KRTAP4-9: variants seen among roughly 807,000 people sequenced by gnomAD.
The protein encoded by KRTAP4-9 is keratin-associated protein 4-9.
KRTAP4-9 carries 4 observed loss-of-function variants against 4.3 expected under a neutral mutation model. The ratio of observed to expected loss-of-function variants is 0.94; its 90% CI spans 0.46 to 2.15. The LOEUF (loss-of-function observed/expected upper bound fraction) is 2.15, where lower values mean the gene tolerates loss of function less well. Among genes scored for constraint, KRTAP4-9 ranks in the 30% most tolerant of loss-of-function variants. KRTAP4-9 has a pLI of 0.02. For missense variants in KRTAP4-9, 297 were observed against 278.5 expected, an observed-to-expected ratio of 1.07 and a Z score of -0.47; for synonymous variants, 111 against 99.2, an observed-to-expected ratio of 1.12 and a Z score of -0.70.
exon 1 of KRTAP4-9, chr17:41,105,592 C>T: frequency 1.3e-6 from 2 of 1,568,418 alleles, no homozygotes; most frequent in Non-Finnish European, 1.7e-6. Flanking sequence ...CCCGCCCCAG[C>T]TGCTGTCAGA....
At chr17:41,106,072 AC>A (rs2014086554) in exon 1 of KRTAP4-9, 9 of 1,527,214 alleles carry the variant, frequency 5.9e-6, no homozygotes, top group Non-Finnish European at 7.9e-6. Context: ...ACAGATGTAG[AC>A]CCTTCTACTG....
Position 41,105,706 on chromosome 17 carries a change from C to A in KRTAP4-9, c.318C>A (p.Arg106=), listed in dbSNP as rs765387616. 1.4e-5 allele frequency: 22 copies of A among 1,572,960 alleles called. 1 individual carries two copies. In the South Asian group the frequency reaches 2.2e-4, roughly 16 times the overall value. ...CGTGCTGCCAACCCACTTGCTGTCG[C>A]CCCAGCTGCTGTGAGACGACCTGCT... The change falls in exon 1 of 1, where the codon CGC becomes CGA. Residue 106 remains arginine (R), a synonymous_variant. Coordinates refer to ENST00000391415, the Ensembl canonical transcript of KRTAP4-9.
At chr17:41,105,401 T>C in exon 1 of KRTAP4-9, 1 of 1,601,446 alleles carries the variant, frequency 6.2e-7, no homozygotes, top group Non-Finnish European at 8.5e-7. Context: ...GGTCAGCTCC[T>C]GTTGTGGCTC....
exon 1 of KRTAP4-9, chr17:41,106,224 T>A: frequency 1.0e-6 from 1 of 976,054 alleles, no homozygotes; most frequent in Non-Finnish European, 1.5e-6. Flanking sequence ...GCTTTCTTTT[T>A]CTTCCGGTGG....
exon 1 of KRTAP4-9, chr17:41,106,208 T>A: frequency 9.1e-7 from 1 of 1,099,640 alleles, no homozygotes; most frequent in African/African-American, 1.6e-5. Context: ...TTAAACTCCC[T>A]CCCTTGCTTT....
At position 41,105,953 on chromosome 17, in the gene KRTAP4-9, T is replaced by C. The variant is rs752243856; in HGVS notation, c.565T>C (p.Cys189Arg). Residue 189 changes from cysteine to arginine, a missense_variant, in exon 1 of 1, where the codon TGC (cysteine) becomes CGC (arginine). Transcript: ENST00000391415. ...TGGCCGAGTCTCCTGCCACACCACT[T>C]GCTATCGCCCAACCTGTGTCATCTC... 6.2e-7 allele frequency: 1 copy of C among 1,604,908 alleles called. No homozygotes were observed. Among genetic ancestry groups the C allele is most frequent in the Non-Finnish European group, 8.5e-7 (1 of 1,175,376 alleles).
chr17:41,106,090 C>T (rs1275041602), exon 1 of KRTAP4-9: 1 of 1,493,826 alleles, frequency 6.7e-7, no homozygotes, highest in African/African-American at 1.4e-5. Flanking sequence ...ACTGTGCTGA[C>T]CATTAGGATA....
At chr17:41,105,846 G>T in exon 1 of KRTAP4-9, 3 of 1,609,590 alleles carry the variant, frequency 1.9e-6, no homozygotes, top group Non-Finnish European at 2.5e-6. Flanking sequence ...TGCCGCCCCA[G>T]CTGCAGCATC....
At chr17:41,105,644 G>A (rs1220330704) in exon 1 of KRTAP4-9, 7 of 1,572,902 alleles carry the variant, frequency 4.5e-6, no homozygotes, top group African/African-American at 1.4e-5. Flanking sequence ...CAGCTGTTGT[G>A]TGTCCAGCTG....
chr17:41,106,096 G>A lies in KRTAP4-9; in HGVS notation c.*75G>A. 6.1e-6 allele frequency: 9 copies of A among 1,486,722 alleles called. No homozygotes were observed. The South Asian group carries it at 9.7e-5, about 16-fold the overall frequency. 92.1% of individuals were successfully genotyped at this position (1,486,722 alleles called of 1,614,324 possible). On this transcript the variant is annotated 3_prime_UTR_variant, in exon 1 of 1. Transcript: ENST00000391415. ...GACCCTTCTACTGTGCTGACCATTA[G>A]GATACAGGAAGTGGGGTTGATGTCA...
exon 1 of KRTAP4-9, chr17:41,105,837 G>A (rs1426386691): frequency 6.2e-7 from 1 of 1,609,460 alleles, no homozygotes; most frequent in African/African-American, 1.3e-5. Flanking sequence ...CCCAACTGCT[G>A]CCGCCCCAGC....
exon 1 of KRTAP4-9, chr17:41,106,160 A>T: frequency 7.3e-7 from 1 of 1,366,766 alleles, no homozygotes; most frequent in Non-Finnish European, 9.8e-7. Context: ...TGAGCCCATC[A>T]CCATTTCACT....
chr17:41,106,149 A>G, exon 1 of KRTAP4-9: 1 of 1,411,654 alleles, frequency 7.1e-7, no homozygotes, highest in Non-Finnish European at 9.4e-7. Flanking sequence ...CATGTTTCCA[A>G]TGAGCCCATC....
exon 1 of KRTAP4-9, chr17:41,105,965 A>G (rs781018136): frequency 6.2e-7 from 1 of 1,602,446 alleles, no homozygotes; most frequent in South Asian, 1.1e-5. Flanking sequence ...CTATCGCCCA[A>G]CCTGTGTCAT....
chr17:41,105,682 G>T (rs745332486), exon 1 of KRTAP4-9: 5 of 1,569,476 alleles, frequency 3.2e-6, no homozygotes, highest in Non-Finnish European at 4.3e-6. Flanking sequence ...GCCAGCCTGC[G>T]TGCTGCCAAC....
exon 1 of KRTAP4-9, chr17:41,105,898 C>T (rs1439841283): frequency 3.1e-6 from 5 of 1,604,162 alleles, no homozygotes; most frequent in Non-Finnish European, 4.2e-6. Context: ...CCAGCTGCTG[C>T]CGCCCCTGCT....
exon 1 of KRTAP4-9, chr17:41,105,863 T>A (rs773560803): frequency 1.3e-6 from 2 of 1,532,250 alleles, no homozygotes; most frequent in Non-Finnish European, 1.7e-6. Context: ...CATCTCCAGC[T>A]GCTGCCGCCC....
chr17:41,105,406 T>C, exon 1 of KRTAP4-9: 1 of 1,603,740 alleles, frequency 6.2e-7, no homozygotes, highest in Non-Finnish European at 8.5e-7. Context: ...GCTCCTGTTG[T>C]GGCTCCGTGT....
chr17:41,105,565 C>T (rs1172957430), exon 1 of KRTAP4-9: 11 of 1,570,362 alleles, frequency 7.0e-6, no homozygotes, highest in Non-Finnish European at 9.4e-6. Context: ...AGTCTGTGTG[C>T]TGCCAACCCA....
Sources: allele counts gnomAD v4.1 joint callset, GRCh38; gene constraint gnomAD v4.1.1; transcripts MANE v1.5; gene names NCBI Gene and HGNC (gene_info 2026-07-23, HGNC 2026-07-21).